The following ARHGEF38 variants were observed in gnomAD, a reference collection of about 807,000 sequenced individuals.
ARHGEF38 encodes the protein Rho guanine nucleotide exchange factor (GEF) 38.
Under a neutral mutation model 79.9 loss-of-function variants are expected in ARHGEF38, and 79 were observed. The ratio of observed to expected loss-of-function variants is 0.99; its 90% CI spans 0.82 to 1.19. The LOEUF (loss-of-function observed/expected upper bound fraction) is 1.19. ARHGEF38 is among the 50% of genes most tolerant of loss of function. The pLI is 0.00. For synonymous variants in ARHGEF38, 366 were observed against 328.3 expected, an observed-to-expected ratio of 1.11 and a Z score of -1.24; for missense variants, 962 against 907.2, an observed-to-expected ratio of 1.06 and a Z score of -0.78.
chr4:105,617,283 TA>T (rs1237367486), intron 3 of ARHGEF38, among the ~76,000 whole-genome samples: 1 of 152,146 alleles, frequency 6.6e-6, no homozygotes, highest in Non-Finnish European at 1.5e-5. Flanking sequence ...CACAGCATCA[TA>T]GTAAAACAAT....
intron 1 of ARHGEF38, among the ~76,000 whole-genome samples, chr4:105,582,646 G>A (rs1298800817): frequency 6.6e-6 from 1 of 151,984 alleles, no homozygotes; most frequent in Non-Finnish European, 1.5e-5. Flanking sequence ...AATTTATAAT[G>A]TATTTCTTCA....
At position 105,667,675 on chromosome 4, in the gene ARHGEF38, T is replaced by C. The variant is rs556354262; in HGVS notation, c.2120T>C (p.Val707Ala). Reference protein sequence around the residue: ...CGKFETNGTDVDSFQEVDEQI... With the variant: ...CGKFETNGTDADSFQEVDEQI... ...AAGTTTGAAACAAATGGTACTGATG[T>C]TGACAGTTTTCAAGAAGTAGACGAA... is the stretch of plus-strand genomic sequence containing the variant. Residue 707 changes from valine (V) to alanine (A), a missense_variant, in exon 13 of 14, where the codon GTT (valine) becomes GCT (alanine). Transcript: ENST00000420470. 3.9e-6 allele frequency: 6 copies of C among 1,536,178 alleles called. No individual in the cohort carries two copies. In the East Asian group the frequency reaches 9.8e-5, roughly 25 times the overall value.
At chr4:105,616,192 C>G (rs932878121) in intron 3 of ARHGEF38, among the ~76,000 whole-genome samples, 1 of 152,158 alleles carries the variant, frequency 6.6e-6, no homozygotes, top group African/African-American at 2.4e-5. Context: ...AGATTGACAA[C>G]TCTTTTACAA....
At chr4:105,634,345 T>C (rs1486217345) in intron 4 of ARHGEF38, among the ~76,000 whole-genome samples, 1 of 152,142 alleles carries the variant, frequency 6.6e-6, no homozygotes, top group Non-Finnish European at 1.5e-5. Context: ...CAAAAGCAAA[T>C]ACACATCTGC....
intron 3 of ARHGEF38, among the ~76,000 whole-genome samples, chr4:105,615,174 A>G (rs1728461922): frequency 6.6e-6 from 1 of 152,230 alleles, no homozygotes; most frequent in African/African-American, 2.4e-5. Flanking sequence ...TAAGCAAGAA[A>G]TGAGAAATGA....
At chr4:105,576,706 T>C (rs1200521588) in intron 1 of ARHGEF38, among the ~76,000 whole-genome samples, 1 of 152,196 alleles carries the variant, frequency 6.6e-6, no homozygotes, top group Non-Finnish European at 1.5e-5. Context: ...TCCAGTACTA[T>C]GTTGAATAGG....
chr4:105,566,315 A>G (rs1340173943), intron 1 of ARHGEF38, among the ~76,000 whole-genome samples: 1 of 152,116 alleles, frequency 6.6e-6, no homozygotes, highest in Non-Finnish European at 1.5e-5. Flanking sequence ...TCAGATTTCA[A>G]CTGTGTCACT....
rs1578242860 is a variant in ARHGEF38 at position 105,552,709 on chromosome 4, A to G, written c.-57A>G. Reference sequence around the variant, plus strand: ...TCTAGTAGCTTTAACCCTCACCCTGAGGCACCTTAGCAATCAGCCATTGCC... The same window carrying G: ...TCTAGTAGCTTTAACCCTCACCCTGGGGCACCTTAGCAATCAGCCATTGCC... On this transcript the variant is annotated 5_prime_UTR_variant, in exon 1 of 14. Coordinates refer to ENST00000420470, the MANE Select transcript of ARHGEF38 (RefSeq NM_001242729.2). 9 of 1,437,990 alleles carry G rather than the reference A, an allele frequency of 6.3e-6. No individual in the cohort carries two copies. The East Asian group carries it at 1.1e-4, about 18-fold the overall frequency. The allele number at this position is 1,437,990 out of a possible 1,614,324, so 89.1% of individuals were successfully genotyped here.
At position 105,630,960 on chromosome 4, in the gene ARHGEF38, C is replaced by A. The variant is rs147678698; in HGVS notation, c.571C>A (p.His191Asn). 3.7e-6 allele frequency: 6 copies of A among 1,613,472 alleles called. No homozygotes were observed. The highest frequency in any genetic ancestry group is 5.1e-6 in the Non-Finnish European group (6 of 1,179,688). ...EDIYKIYCYH[H>N]DEAHSILESY... ...TATTTATAAAATCTACTGCTATCAC[C>A]ATGATGAAGCACATAGTATACTGGA... The change falls in exon 4 of 14, where the codon CAT becomes AAT. Residue 191 changes from histidine (H) to asparagine (N), a missense_variant. His to Asn is a moderately conservative substitution (Grantham distance 68). Transcript: ENST00000420470.
At chr4:105,625,316 G>C (rs1031193233) in intron 3 of ARHGEF38, among the ~76,000 whole-genome samples, 2 of 152,260 alleles carry the variant, frequency 1.3e-5, no homozygotes, top group Admixed American at 1.3e-4. Context: ...CTGTCAAAGA[G>C]AAAACAGAAC....
chr4:105,595,375 A>G (rs759324852), intron 2 of ARHGEF38, among the ~76,000 whole-genome samples: 4 of 152,224 alleles, frequency 2.6e-5, no homozygotes, highest in Non-Finnish European at 4.4e-5. Flanking sequence ...GGTTTAAAAT[A>G]TATATAATTT....
At chr4:105,598,539 T>C (rs1311116241) in intron 2 of ARHGEF38, among the ~76,000 whole-genome samples, 2 of 152,222 alleles carry the variant, frequency 1.3e-5, no homozygotes, top group Non-Finnish European at 2.9e-5. Context: ...CTTGAAAATG[T>C]TATACTCTTG....
chr4:105,592,006 A>G (rs34577274), intron 2 of ARHGEF38, among the ~76,000 whole-genome samples: 1 of 152,198 alleles, frequency 6.6e-6, no homozygotes, highest in African/African-American at 2.4e-5. Context: ...TAACATGTTC[A>G]TTTACATACT....
At chr4:105,558,839 T>C (rs1219262554) in intron 1 of ARHGEF38, among the ~76,000 whole-genome samples, 1 of 151,160 alleles carries the variant, frequency 6.6e-6, no homozygotes, top group Non-Finnish European at 1.5e-5. Flanking sequence ...TTTATAAAAA[T>C]TATGGGTTTA....
Position 105,559,091 on chromosome 4 carries a change from T to C in ARHGEF38, c.196+6130T>C, listed in dbSNP as rs1168732128. 4.6e-5 allele frequency among the ~76,000 whole-genome samples: 7 copies of C among 152,088 alleles called. No individual in the cohort carries two copies. In the East Asian group the frequency reaches 1.3e-3, roughly 29 times the overall value. On this transcript the variant is annotated intron_variant, in intron 1 of 13. Transcript: ENST00000420470. ...TGTTTACAGAATTACTTTTTCTTGATGCCATAATCATATTAGCATCAGTAC... is the reference window on the plus strand; with the variant it reads ...TGTTTACAGAATTACTTTTTCTTGACGCCATAATCATATTAGCATCAGTAC...
intron 10 of ARHGEF38, among the ~76,000 whole-genome samples, chr4:105,663,842 T>G (rs981488557): frequency 7.9e-5 from 12 of 151,850 alleles, no homozygotes; most frequent in African/African-American, 2.9e-4. Flanking sequence ...TGGTGGCACA[T>G]GCCTGTAATC....
At chr4:105,653,133 C>T (rs552631936) in intron 7 of ARHGEF38, among the ~76,000 whole-genome samples, 1 of 152,096 alleles carries the variant, frequency 6.6e-6, no homozygotes, top group Non-Finnish European at 1.5e-5. Context: ...TAAATGTGTG[C>T]TCCTAGAAAT....
chr4:105,567,326 G>C (rs1384758920), intron 1 of ARHGEF38, among the ~76,000 whole-genome samples: 1 of 152,118 alleles, frequency 6.6e-6, no homozygotes, highest in East Asian at 1.9e-4. Flanking sequence ...TTTTAAATTT[G>C]TCTCATTCAA....
At chr4:105,566,710 A>G (rs530015630) in intron 1 of ARHGEF38, among the ~76,000 whole-genome samples, 152 of 148,716 alleles carry the variant, frequency 1.0e-3, no homozygotes, top group African/African-American at 3.5e-3. Context: ...CCTTTCCTCC[A>G]CTACATCCTC....
Sources: allele counts gnomAD v4.1 joint callset (sites outside exome capture counted in the v4.1 genomes callset), GRCh38; gene constraint gnomAD v4.1.1; transcripts MANE v1.5; gene names NCBI Gene and HGNC (gene_info 2026-07-23, HGNC 2026-07-21).